The following ZPLD1 variants were observed in gnomAD, a reference collection of about 807,000 sequenced individuals.
ZPLD1 encodes the protein zona pellucida like domain containing 1, also known as zona pellucida-like domain-containing protein 1.
In ZPLD1, 34 loss-of-function variants were observed where a neutral mutation model predicts 47.2. The ratio of observed to expected loss-of-function variants is 0.72; its 90% confidence interval spans 0.55 to 0.96. The LOEUF is 0.96. ZPLD1 is among the 40% of genes least tolerant of loss of function. The probability of loss-of-function intolerance (pLI) is 0.00; values close to 1 mark genes in which losing one functional copy is unlikely to be tolerated. For missense variants in ZPLD1, 512 were observed against 505.8 expected, an observed-to-expected ratio of 1.01 and a Z score of -0.12; for synonymous variants, 176 against 186.2, an observed-to-expected ratio of 0.95 and a Z score of 0.45.
At chr3:102,441,677 C>T (rs567738994) in intron 3 of ZPLD1, among the ~76,000 whole-genome samples, 125 of 152,168 alleles carry the variant, frequency 8.2e-4, no homozygotes, top group African/African-American at 2.8e-3. Context: ...CACAGGTAAT[C>T]AGTAAGAGAT....
At position 102,462,234 on chromosome 3, in the gene ZPLD1, C is replaced by T. The variant is rs367962961; in HGVS notation, c.583-47C>T. ...ATTGTTGTTTTAAGTAGTAAGTGTG[C>T]TGTTGTTGGGGAGGTAATAATAGAT... On this transcript the variant is annotated intron_variant, in intron 6 of 11. Coordinates refer to ENST00000466937, the MANE Select transcript of ZPLD1 (RefSeq NM_001329788.2). 1.6e-5 allele frequency: 19 copies of T among 1,167,354 alleles called. No homozygotes were observed. The African/African-American group carries it at 2.6e-4, about 16-fold the overall frequency. The allele number at this position is 1,167,354 out of a possible 1,614,324, so 72.3% of individuals were successfully genotyped here. A position where few individuals can be genotyped will look rare whatever the true frequency, so the allele number is the denominator to read the frequency against.
At chr3:102,410,510 G>T (rs1247342416) in intron 7 of ZPLD1, among the ~76,000 whole-genome samples, 1 of 151,604 alleles carries the variant, frequency 6.6e-6, no homozygotes, top group East Asian at 1.9e-4. Context: ...AAATGCAACA[G>T]ATTGCTAGCT....
chr3:102,396,701 G>A (rs562591907), intron 7 of ZPLD1, among the ~76,000 whole-genome samples: 2 of 152,216 alleles, frequency 1.3e-5, no homozygotes, highest in South Asian at 2.1e-4. Context: ...GCATTCAGAT[G>A]GAGTGGTGCT....
chr3:102,393,357 C>T (rs1002213859), intron 7 of ZPLD1, among the ~76,000 whole-genome samples: 6 of 152,218 alleles, frequency 3.9e-5, no homozygotes, highest in Admixed American at 2.6e-4. Flanking sequence ...TTTCTCAAGT[C>T]GTTCTTCCAT....
chr3:102,438,650 A>T (rs1273836404), intron 3 of ZPLD1, 57 bp downstream of exon 3: 66 of 1,331,252 alleles, frequency 5.0e-5, no homozygotes, highest in Non-Finnish European at 6.5e-5. Context: ...TTATATTTGA[A>T]GAGCAAGTCA....
At chr3:102,433,799 G>C (rs1264155006), upstream of ZPLD1, among the ~76,000 whole-genome samples, 2 of 152,162 alleles carry the variant, frequency 1.3e-5, no homozygotes, top group African/African-American at 4.8e-5. Context: ...AAAGTGCTGA[G>C]ATTATAGGCG....
upstream of ZPLD1, among the ~76,000 whole-genome samples, chr3:102,433,546 G>C (rs1707042929): frequency 6.6e-6 from 1 of 152,114 alleles, no homozygotes; most frequent in South Asian, 2.1e-4. Context: ...TTTTTGTCTT[G>C]AGACGGAGTC....
intron 10 of ZPLD1, among the ~76,000 whole-genome samples, chr3:102,472,513 C>G (rs1475112341): frequency 1.4e-5 from 2 of 142,606 alleles, no homozygotes; most frequent in African/African-American, 5.3e-5. Context: ...GCCTGGCTGA[C>G]AGAGTGAGAC....
At chr3:102,432,869 A>T (rs1037120378), upstream of ZPLD1, among the ~76,000 whole-genome samples, 5 of 152,206 alleles carry the variant, frequency 3.3e-5, no homozygotes, top group African/African-American at 1.2e-4. Context: ...TGTTCCCCCC[A>T]GCAAGCTTCA....
chr3:102,436,948 G>A lies in ZPLD1; in HGVS notation c.-34G>A. The A allele has an allele frequency of 1.0e-6, 1 of 985,460 alleles. No homozygotes were observed. The highest frequency in any genetic ancestry group is 1.2e-6 in the Non-Finnish European group (1 of 829,948). The allele number at this position is 985,460 out of a possible 1,614,324, so 61.0% of individuals were successfully genotyped here. ...TTGGGACCCATCATGAGAAGGAAGT[G>A]GTGGAGCATGGAGCATGGAATAAAT... is the stretch of plus-strand genomic sequence containing the variant. On this transcript the variant is annotated 5_prime_UTR_variant, in exon 2 of 12. The change creates a premature stop within an existing upstream ORF in the 5' untranslated region. Coordinates refer to ENST00000466937, the MANE Select transcript of ZPLD1 (RefSeq NM_001329788.2).
In ZPLD1 at chr3:102,452,780, A is replaced by G. The variant is rs1460102319; in HGVS notation, c.107-139A>G. ...TTGTCTACTTTACTTAATAGCTGGCACATTGGATTATGGTGTATCAAATAT... is the reference window on the plus strand; with the variant it reads ...TTGTCTACTTTACTTAATAGCTGGCGCATTGGATTATGGTGTATCAAATAT... On this transcript the variant is annotated intron_variant, in intron 3 of 11. Transcript: ENST00000466937. The G allele has an allele frequency of 1.2e-5, 11 of 929,254 alleles. No individual in the cohort carries two copies. In the East Asian group the frequency reaches 2.9e-4, roughly 25 times the overall value. The allele number at this position is 929,254 out of a possible 1,614,324, so 57.6% of individuals were successfully genotyped here.
At chr3:102,426,528 A>AT (rs1194079442) in intron 8 of ZPLD1, among the ~76,000 whole-genome samples, 1 of 152,130 alleles carries the variant, frequency 6.6e-6, no homozygotes, top group Non-Finnish European at 1.5e-5. Flanking sequence ...CAAAAAAAAA[A>AT]AAAAAAATTC....
intron 4 of ZPLD1, among the ~76,000 whole-genome samples, chr3:102,453,713 A>G (rs925382125): frequency 6.6e-6 from 1 of 152,242 alleles, no homozygotes; most frequent in Non-Finnish European, 1.5e-5. Flanking sequence ...CAGTCTTACC[A>G]TGAAATCCCA....
chr3:102,389,665 A>G (rs565261264), intron 6 of ZPLD1, among the ~76,000 whole-genome samples: 2 of 152,264 alleles, frequency 1.3e-5, no homozygotes, highest in African/African-American at 4.8e-5. Context: ...GTGATTTTGT[A>G]TGGGTCTAGG....
intron 8 of ZPLD1, among the ~76,000 whole-genome samples, chr3:102,421,826 G>T (rs1217797896): frequency 1.3e-5 from 2 of 151,638 alleles, no homozygotes; most frequent in African/African-American, 4.8e-5. Flanking sequence ...CTGAACCAAT[G>T]AACTCACTAA....
At chr3:102,461,945 A>C (rs1707512722) in intron 6 of ZPLD1, among the ~76,000 whole-genome samples, 1 of 152,048 alleles carries the variant, frequency 6.6e-6, no homozygotes, top group Non-Finnish European at 1.5e-5. Context: ...ATGGAACATT[A>C]ATTTAAGTAA....
intron 4 of ZPLD1, among the ~76,000 whole-genome samples, chr3:102,453,383 T>C (rs1253239295): frequency 1.3e-5 from 2 of 152,196 alleles, no homozygotes; most frequent in African/African-American, 2.4e-5. Context: ...CTAAGCAGCA[T>C]TATTTTGTGT....
intron 7 of ZPLD1, among the ~76,000 whole-genome samples, chr3:102,411,498 T>A (rs1033367544): frequency 2.0e-5 from 3 of 151,800 alleles, no homozygotes; most frequent in Non-Finnish European, 4.4e-5. Context: ...ATTGCTGGTG[T>A]TAAACTATTT....
At chr3:102,406,062 G>A (rs547046441) in intron 7 of ZPLD1, among the ~76,000 whole-genome samples, 2 of 152,036 alleles carry the variant, frequency 1.3e-5, no homozygotes, top group South Asian at 2.1e-4. Context: ...TGACAGAAAC[G>A]CTTGCTTTCA....
Sources: allele counts gnomAD v4.1 joint callset (sites outside exome capture counted in the v4.1 genomes callset), GRCh38; gene constraint gnomAD v4.1.1; transcripts MANE v1.5; gene names NCBI Gene and HGNC (gene_info 2026-07-23, HGNC 2026-07-21).